The following MYO3A variants were observed in gnomAD, a reference collection of about 807,000 sequenced individuals.
MYO3A encodes myosin-IIIa.
MYO3A carries 180 observed loss-of-function variants against 192.7 expected under a neutral mutation model. The ratio of observed to expected loss-of-function variants is 0.93; its 90% CI spans 0.83 to 1.06. The LOEUF is 1.06. MYO3A is among the 50% of genes least tolerant of loss of function. The pLI is 0.00. For synonymous variants in MYO3A, 628 were observed against 645.3 expected (o/e 0.97, Z 0.41); for missense variants, 1,896 against 1,905.0 (o/e 1.00, Z 0.09).
chr10:26,151,656 G>T (rs1840795913), intron 23 of MYO3A, among the ~76,000 whole-genome samples: 1 of 151,960 alleles, frequency 6.6e-6, no homozygotes, highest in Admixed American at 6.6e-5. Flanking sequence ...ATGATTAGAT[G>T]ATTTACATTT....
intron 4 of MYO3A, among the ~76,000 whole-genome samples, chr10:25,964,845 T>G (rs1591905): frequency 0.093 from 14,096 of 152,248 alleles, 1,149 homozygotes; most frequent in African/African-American, 0.21. Context: ...TTCTTCATGT[T>G]TGAAGGGTAT....
chr10:26,141,458 A>G (rs1055032731), intron 20 of MYO3A, among the ~76,000 whole-genome samples: 3 of 152,150 alleles, frequency 2.0e-5, no homozygotes, highest in African/African-American at 7.2e-5. Context: ...AGTGTCTTGA[A>G]TGGGAGCCCA....
chr10:25,978,382 A>G lies in MYO3A; in HGVS notation c.304-18108A>G, dbSNP rs560695534. Among the ~76,000 whole-genome samples the G allele has an allele frequency of 3.9e-5, 6 of 152,362 alleles. No homozygotes were observed. The South Asian group carries it at 1.2e-3, about 32-fold the overall frequency. ...GGCAGAAGGCAAGGAAGAGCAAGTC[A>G]CATCTCACGTGGATGGCAGTAGGCA... is the stretch of plus-strand genomic sequence containing the variant. On this transcript the variant is annotated intron_variant, in intron 4 of 34. Coordinates refer to ENST00000642920, the MANE Select transcript of MYO3A (RefSeq NM_017433.5).
At position 26,130,305 on chromosome 10, in the gene MYO3A, C is replaced by T. The variant is rs111393263; in HGVS notation, c.2262+1767C>T. 4.6e-3 allele frequency among the ~76,000 whole-genome samples: 698 copies of T among 152,130 alleles called. 8 individuals carry two copies. The highest frequency in any genetic ancestry group is 0.015 in the African/African-American group (643 of 41,504). Reference sequence around the variant, plus strand: ...TTTTTTCATGGAAACGGGGTTTCACCATTTTGGCCAGGGTGGTCTTGAAAT... The same window carrying T: ...TTTTTTCATGGAAACGGGGTTTCACTATTTTGGCCAGGGTGGTCTTGAAAT... On this transcript the variant is annotated intron_variant, in intron 20 of 34. Coordinates refer to ENST00000642920, the MANE Select transcript of MYO3A (RefSeq NM_017433.5).
intron 2 of MYO3A, among the ~76,000 whole-genome samples, chr10:25,945,554 G>A (rs1836780964): frequency 6.6e-6 from 1 of 151,988 alleles, no homozygotes; most frequent in South Asian, 2.1e-4. Flanking sequence ...GTACATATAT[G>A]TGTATAATTG....
At chr10:26,074,572 C>T (rs115716493) in intron 14 of MYO3A, among the ~76,000 whole-genome samples, 1 of 144,992 alleles carries the variant, frequency 6.9e-6, no homozygotes, top group Admixed American at 6.9e-5. Context: ...TCATTTTTTT[C>T]TTTTATATAT....
At chr10:26,042,214 T>C (rs573797964) in intron 10 of MYO3A, among the ~76,000 whole-genome samples, 1 of 152,310 alleles carries the variant, frequency 6.6e-6, no homozygotes, top group East Asian at 1.9e-4. Context: ...TTTTATGTAA[T>C]TTACTTCTTT....
intron 34 of MYO3A, 95 bp from the exon 35 acceptor site, chr10:26,211,746 AAC>A (rs1844225163): frequency 6.4e-7 from 1 of 1,571,534 alleles, no homozygotes; most frequent in Non-Finnish European, 8.7e-7. Context: ...CGGTTGGCAG[AAC>A]GTGGGAGGAA....
chr10:26,041,668 T>C (rs943468014), intron 10 of MYO3A, among the ~76,000 whole-genome samples: 1 of 150,696 alleles, frequency 6.6e-6, no homozygotes, highest in Non-Finnish European at 1.5e-5. Flanking sequence ...TGATAACAAC[T>C]TAACAATGTT....
chr10:26,118,687 A>G (rs1447504616), intron 17 of MYO3A, among the ~76,000 whole-genome samples: 1 of 151,612 alleles, frequency 6.6e-6, no homozygotes, highest in Non-Finnish European at 1.5e-5. Flanking sequence ...GTTGGAGTAC[A>G]GTGGCACGAT....
Position 26,143,535 on chromosome 10 carries a change from A to G in MYO3A, c.2350A>G (p.Met784Val), listed in dbSNP as rs1385651303. The change falls in exon 21 of 35, where the codon ATG becomes GTG. Residue 784 changes from methionine (M) to valine (V), a missense_variant. Physicochemically the swap from Met to Val is conservative, Grantham distance 21. Coordinates refer to ENST00000642920, the MANE Select transcript of MYO3A (RefSeq NM_017433.5). ...CTTAGATATGTTTCTGCAAAAGCCAATGGGTTTACTTTCCCTACTTGATGA... is the reference window on the plus strand; with the variant it reads ...CTTAGATATGTTTCTGCAAAAGCCAGTGGGTTTACTTTCCCTACTTGATGA... The part of the protein sequence containing the change: ...PLLDMFLQKP[M>V]GLLSLLDEES... The G allele has an allele frequency of 4.3e-6, 7 of 1,614,004 alleles. No homozygotes were observed. Among genetic ancestry groups the G allele is most frequent in the South Asian group, 2.2e-5 (2 of 91,076 alleles).
intron 4 of MYO3A, among the ~76,000 whole-genome samples, chr10:25,991,905 T>C (rs987064977): frequency 5.3e-5 from 8 of 152,258 alleles, no homozygotes; most frequent in Non-Finnish European, 8.8e-5. Context: ...CATGCTGTTT[T>C]GGTTGCTGTA....
chr10:25,998,299 T>G (rs540956555), intron 6 of MYO3A, among the ~76,000 whole-genome samples: 2 of 152,304 alleles, frequency 1.3e-5, no homozygotes, highest in African/African-American at 4.8e-5. Flanking sequence ...TTTTTAAAAT[T>G]TCTTTAATAT....
chr10:26,009,979 A>ACT (rs1271514573), intron 6 of MYO3A, among the ~76,000 whole-genome samples: 1 of 152,050 alleles, frequency 6.6e-6, no homozygotes, highest in Non-Finnish European at 1.5e-5. Context: ...TATGCTGTAT[A>ACT]CTCTCTACAG....
chr10:26,059,887 T>C (rs71492521), intron 10 of MYO3A, among the ~76,000 whole-genome samples: 71,329 of 151,460 alleles, frequency 0.47, 17,559 homozygotes, highest in Middle Eastern at 0.58. Flanking sequence ...TTTGGGAGGC[T>C]GAGGCGGACG....
intron 4 of MYO3A, among the ~76,000 whole-genome samples, chr10:25,956,902 C>T (rs2130604096): frequency 6.6e-6 from 1 of 152,142 alleles, no homozygotes; most frequent in East Asian, 1.9e-4. Flanking sequence ...CACCCTCTAC[C>T]ATCAGGTATC....
chr10:25,949,759 A>G (rs1218430511), intron 2 of MYO3A, among the ~76,000 whole-genome samples: 1 of 151,978 alleles, frequency 6.6e-6, no homozygotes, highest in Non-Finnish European at 1.5e-5. Context: ...GTTCTCCCTA[A>G]ACCTTATTTC....
chr10:26,031,536 C>T (rs1842801470), intron 10 of MYO3A, among the ~76,000 whole-genome samples: 1 of 152,232 alleles, frequency 6.6e-6, no homozygotes, highest in Non-Finnish European at 1.5e-5. Flanking sequence ...TCTCAGCTCA[C>T]TTCCAGTTTC....
intron 4 of MYO3A, among the ~76,000 whole-genome samples, chr10:25,972,393 A>G (rs1345690628): frequency 6.6e-6 from 1 of 151,366 alleles, no homozygotes; most frequent in East Asian, 1.9e-4. Context: ...ACATATTTAT[A>G]TCTTTGCTTT....
Sources: gnomAD v4.1 joint callset for allele counts (sites outside exome capture counted in the v4.1 genomes callset) on GRCh38, gnomAD v4.1.1 for gene constraint, MANE v1.5 for transcripts, NCBI Gene and HGNC (gene_info 2026-07-23, HGNC 2026-07-21) for gene names.